The following RABGEF1 variants were observed in gnomAD, a reference collection of about 807,000 sequenced individuals.
RABGEF1 encodes the protein rab5 GDP/GTP exchange factor.
A neutral mutation model predicts 57.3 loss-of-function variants in RABGEF1; 26 were observed. The observed-to-expected ratio is 0.45, with a 90% CI of 0.33 to 0.63. The LOEUF is 0.63. Ranked by LOEUF, RABGEF1 falls within the 20% of genes least tolerant of loss-of-function variation. RABGEF1 has a pLI of 0.02. For synonymous variants in RABGEF1, 185 were observed against 210.7 expected (o/e 0.88, Z 1.06); for missense variants, 464 against 607.6 (o/e 0.76, Z 2.48).
At chr7:66,727,732 T>C (rs898888044) in intron 2 of RABGEF1, among the ~76,000 whole-genome samples, 11 of 152,200 alleles carry the variant, frequency 7.2e-5, no homozygotes, top group Admixed American at 2.6e-4. Flanking sequence ...TGGGCACACC[T>C]GGGGAACCGT....
chr7:66,671,203 T>A, the RABGEF1 span, among the ~76,000 whole-genome samples: 1 of 152,154 alleles, frequency 6.6e-6, no homozygotes, highest in African/African-American at 2.4e-5. Context: ...AGGGTCTTGC[T>A]ATGTTGCCCC....
chr7:66,685,876 C>G (rs1391150203), intron 1 of RABGEF1, among the ~76,000 whole-genome samples: 1 of 152,164 alleles, frequency 6.6e-6, no homozygotes, highest in Non-Finnish European at 1.5e-5. Flanking sequence ...GCAAACATCT[C>G]TAGCAGAGAT....
At chr7:66,724,423 G>A (rs1273997921) in intron 2 of RABGEF1, among the ~76,000 whole-genome samples, 4 of 151,926 alleles carry the variant, frequency 2.6e-5, no homozygotes, top group Admixed American at 6.5e-5. Context: ...GCAGTGGCGC[G>A]ATCTCGGCTC....
intron 1 of RABGEF1, among the ~76,000 whole-genome samples, chr7:66,689,282 G>A (rs1562696342): frequency 6.6e-6 from 1 of 151,090 alleles, no homozygotes; most frequent in Non-Finnish European, 1.5e-5. Context: ...TTACAGGTCA[G>A]CAAAATCGAC....
intron 1 of RABGEF1, among the ~76,000 whole-genome samples, chr7:66,686,108 C>A (rs896560672): frequency 6.6e-6 from 1 of 152,004 alleles, no homozygotes; most frequent in Admixed American, 6.6e-5. Flanking sequence ...TGCGAAACCC[C>A]GTCTCTACTA....
At chr7:66,720,202 T>A (rs772172823) in intron 2 of RABGEF1, among the ~76,000 whole-genome samples, 5,296 of 148,122 alleles carry the variant, frequency 0.036, 157 homozygotes, top group East Asian at 0.083. Flanking sequence ...TTATTTTTTT[T>A]TTTTTTTCTT....
chr7:66,798,355 T>A (rs891632435), intron 6 of RABGEF1, among the ~76,000 whole-genome samples: 1 of 151,770 alleles, frequency 6.6e-6, no homozygotes, highest in Non-Finnish European at 1.5e-5. Flanking sequence ...TGAGGTGTTT[T>A]AAGGGGAGAA....
the RABGEF1 span, among the ~76,000 whole-genome samples, chr7:66,671,274 G>A: frequency 6.6e-6 from 1 of 152,104 alleles, no homozygotes; most frequent in South Asian, 2.1e-4. Context: ...TTAAACTCCT[G>A]GCTCAAGCAG....
intron 1 of RABGEF1, among the ~76,000 whole-genome samples, chr7:66,750,186 T>A: frequency 6.6e-6 from 1 of 151,960 alleles, no homozygotes. Flanking sequence ...TGAGTGCATG[T>A]GGATTTTTAT....
At chr7:66,804,088 T>A (rs75194464) in intron 7 of RABGEF1, among the ~76,000 whole-genome samples, 1 of 142,684 alleles carries the variant, frequency 7.0e-6, no homozygotes, top group African/African-American at 2.7e-5. Context: ...GTAGCTGGAT[T>A]TTTTTTTTTT....
chr7:66,661,238 G>A, the RABGEF1 span, among the ~76,000 whole-genome samples: 1 of 139,942 alleles, frequency 7.1e-6, no homozygotes, highest in Non-Finnish European at 1.5e-5. Context: ...GGCTGAGCTT[G>A]CAGTCAGCCG....
At chr7:66,699,553 G>A (rs62466138) in intron 1 of RABGEF1, among the ~76,000 whole-genome samples, 6,010 of 152,180 alleles carry the variant, frequency 0.039, 167 homozygotes, top group East Asian at 0.085. Context: ...TTAGCCGAGC[G>A]TCGTGGCAGG....
chr7:66,732,456 G>A (rs1327323421), intron 2 of RABGEF1, among the ~76,000 whole-genome samples: 1 of 152,130 alleles, frequency 6.6e-6, no homozygotes, highest in African/African-American at 2.4e-5. Context: ...TGTTTTAGGG[G>A]AGACTTTCCA....
At chr7:66,753,579 G>T (rs1197661204) in intron 1 of RABGEF1, among the ~76,000 whole-genome samples, 1 of 151,856 alleles carries the variant, frequency 6.6e-6, no homozygotes, top group African/African-American at 2.4e-5. Context: ...GCATCTCTGT[G>T]TTCCAGTTGG....
At chr7:66,681,492 G>A (rs374906892), upstream of RABGEF1, among the ~76,000 whole-genome samples, 53 of 151,410 alleles carry the variant, frequency 3.5e-4, no homozygotes, top group East Asian at 7.6e-3. Context: ...AACTTCCTGG[G>A]CTATCAAGCG....
At chr7:66,800,138 T>C (rs1003810613) in intron 7 of RABGEF1, among the ~76,000 whole-genome samples, 2 of 152,190 alleles carry the variant, frequency 1.3e-5, no homozygotes, top group Non-Finnish European at 2.9e-5. Flanking sequence ...GAAATTCTAT[T>C]GGAAAGGAAG....
chr7:66,700,410 T>C (rs1003360332), intron 1 of RABGEF1, among the ~76,000 whole-genome samples: 1 of 148,890 alleles, frequency 6.7e-6, no homozygotes, highest in African/African-American at 2.4e-5. Context: ...CGGAAAGTGT[T>C]TGACTCCAGG....
chr7:66,659,945 T>A, the RABGEF1 span, among the ~76,000 whole-genome samples: 1 of 148,590 alleles, frequency 6.7e-6, no homozygotes, highest in African/African-American at 2.5e-5. Context: ...AAGAAGAGAA[T>A]AGATAAAATT....
At chr7:66,771,388 C>T (rs1173785427) in intron 1 of RABGEF1, among the ~76,000 whole-genome samples, 2 of 152,222 alleles carry the variant, frequency 1.3e-5, no homozygotes, top group Admixed American at 1.3e-4. Flanking sequence ...ATCCGCCCTC[C>T]TCAGCCTCCC....
Sources: allele counts gnomAD v4.1 joint callset (sites outside exome capture counted in the v4.1 genomes callset), GRCh38; gene constraint gnomAD v4.1.1; transcripts MANE v1.5; gene names NCBI Gene and HGNC (gene_info 2026-07-23, HGNC 2026-07-21).